ACVR2B: variants seen among roughly 807,000 people sequenced by gnomAD.
The protein encoded by ACVR2B is activin receptor type-2B.
A neutral mutation model predicts 65.1 loss-of-function variants in ACVR2B; 18 were observed. The observed-to-expected ratio is 0.28, with a 90% confidence interval of 0.19 to 0.41. The LOEUF is 0.41. Ranked by LOEUF, ACVR2B falls within the 10% of genes least tolerant of loss-of-function variation. ACVR2B has a pLI of 1.00. For missense variants in ACVR2B, 482 were observed against 682.7 expected (o/e 0.71, Z 3.28); for synonymous variants, 298 against 277.7 (o/e 1.07, Z -0.73).
chr3:38,478,118 A>G (rs1709944535), intron 3 of ACVR2B, 23 bp from the exon 4 acceptor site: 1 of 1,611,216 alleles, frequency 6.2e-7, no homozygotes, highest in African/African-American at 1.3e-5. Context: ...ACTGTTTGAC[A>G]CAGGGCTCTG....
In ACVR2B at chr3:38,477,948, G is replaced by T; in HGVS notation, c.348G>T (p.Leu116Phe). ...TCTGCAACGAACGCTTCACTCATTT[G>T]CCAGAGGCTGGGGGCCCGGAAGGTA... ...GNFCNERFTH[L>F]PEAGGPEVTY... Residue 116 changes from leucine to phenylalanine, a missense_variant, in exon 3 of 11, where the codon TTG (leucine) becomes TTT (phenylalanine). By Grantham distance (22) the Leu-to-Phe change is conservative. Around this residue, in one of 5 missense-constraint regions of ACVR2B, gnomAD observed 85 missense variants for 137.3 expected, o/e 0.62. Coordinates refer to ENST00000352511, the MANE Select transcript of ACVR2B (RefSeq NM_001106.4). This position sits in a 1 kb window ranked among gnomAD's most constrained non-coding sequence, Gnocchi z 6.7. The T allele has an allele frequency of 3.7e-6, 6 of 1,614,126 alleles. No homozygotes were observed. The highest frequency in any genetic ancestry group is 4.2e-6 in the Non-Finnish European group (5 of 1,180,028).
chr3:38,468,785 A>G (rs760276181), intron 1 of ACVR2B, among the ~76,000 whole-genome samples: 4 of 152,110 alleles, frequency 2.6e-5, no homozygotes, highest in Non-Finnish European at 5.9e-5. Context: ...TCATTTCTGT[A>G]GTTCTCTCCT....
In ACVR2B at chr3:38,490,758, A is replaced by C. The variant is rs1390088361; in HGVS notation, c.*7426A>C. The C allele has an allele frequency of 6.6e-6, 1 of 152,616 alleles. No homozygotes were observed. Among genetic ancestry groups the C allele is most frequent in the Non-Finnish European group, 1.5e-5 (1 of 68,058 alleles). 9.5% of individuals were successfully genotyped at this position (152,616 alleles called of 1,614,324 possible). On this transcript the variant is annotated 3_prime_UTR_variant, in exon 11 of 11. Transcript: ENST00000352511. ...GATACTGCAGACTTTTAACGTACAC[A>C]TGCAGGAACCCTGCTGAGCGTGGGC...
chr3:38,479,620 G>A lies in ACVR2B; in HGVS notation c.811-58G>A, dbSNP rs1046737593. On this transcript the variant is annotated intron_variant, in intron 6 of 10. Coordinates refer to ENST00000352511, the MANE Select transcript of ACVR2B (RefSeq NM_001106.4). ...ACTGAGACTTCTCTGCCAGGGCTGG[G>A]CTGGGTCCTGTCCTGTACCCAGAAT... The A allele has an allele frequency of 8.8e-6, 14 of 1,594,450 alleles. No individual in the cohort carries two copies. In the African/African-American group the frequency reaches 1.6e-4, roughly 18 times the overall value.
rs2059816260 is a variant in ACVR2B at position 38,492,351 on chromosome 3, T to G, written c.*9019T>G. 1 of 152,576 alleles carries G rather than the reference T, an allele frequency of 6.6e-6. No homozygotes were observed. Among genetic ancestry groups the G allele is most frequent in the Non-Finnish European group, 1.5e-5 (1 of 68,018 alleles). The allele number at this position is 152,576 out of a possible 1,614,324, so 9.5% of individuals were successfully genotyped here. ...CTAACTTGTATATAAAAATTGTAAT[T>G]AAAAGTTTGGGTTCACCTGTTTCTC... On this transcript the variant is annotated 3_prime_UTR_variant, in exon 11 of 11. Coordinates refer to ENST00000352511, the MANE Select transcript of ACVR2B (RefSeq NM_001106.4).
In ACVR2B at chr3:38,455,834, G is replaced by C. The variant is rs147601095; in HGVS notation, c.52+1460G>C. On this transcript the variant is annotated intron_variant, in intron 1 of 10. Coordinates refer to ENST00000352511, the MANE Select transcript of ACVR2B (RefSeq NM_001106.4). Reference sequence around the variant, plus strand: ...GGAGTGCTCGAAAGTGAAAGGGGAGGCATTGGTCTGCTAGAGGGAGGGCGG... The same window carrying C: ...GGAGTGCTCGAAAGTGAAAGGGGAGCCATTGGTCTGCTAGAGGGAGGGCGG... Among the ~76,000 whole-genome samples, 487 of 152,318 alleles carry C rather than the reference G, an allele frequency of 3.2e-3. 7 individuals are homozygous for C. Among genetic ancestry groups the C allele is most frequent in the Admixed American group, 0.026 (398 of 15,306 alleles).
Position 38,493,106 on chromosome 3 carries a change from T to C in ACVR2B, c.*9774T>C, listed in dbSNP as rs1209332711. The C allele has an allele frequency of 6.6e-6, 1 of 152,662 alleles. No individual in the cohort carries two copies. The highest frequency in any genetic ancestry group is 2.4e-5 in the African/African-American group (1 of 41,460). The allele number at this position is 152,662 out of a possible 1,614,324, so 9.5% of individuals were successfully genotyped here. ...AAATCTAGAACTATTTCAAGTTTTA[T>C]CTTTTTGTATATGAAAATAAAATAA... is the stretch of plus-strand genomic sequence containing the variant. On this transcript the variant is annotated 3_prime_UTR_variant, in exon 11 of 11. Coordinates refer to ENST00000352511, the MANE Select transcript of ACVR2B (RefSeq NM_001106.4).
intron 1 of ACVR2B, among the ~76,000 whole-genome samples, chr3:38,464,590 T>C (rs1709699977): frequency 6.6e-6 from 1 of 152,194 alleles, no homozygotes; most frequent in African/African-American, 2.4e-5. Context: ...AGTCTGTTTT[T>C]AGTCATAGGG....
chr3:38,478,353 T>C, intron 4 of ACVR2B, 22 bp from the exon 5 acceptor site: 1 of 1,613,996 alleles, frequency 6.2e-7, no homozygotes, highest in Non-Finnish European at 8.5e-7. Context: ...GCCAGACCTT[T>C]TTAAGCCTTG....
chr3:38,482,626 G>A, intron 10 of ACVR2B, 66 bp downstream of exon 10: 2 of 1,580,310 alleles, frequency 1.3e-6, no homozygotes, highest in Non-Finnish European at 1.7e-6. Context: ...ATGTGTAGCA[G>A]GTAAGCTGAA....
chr3:38,477,802 G>A lies in ACVR2B; in HGVS notation c.261-59G>A, dbSNP rs1709938243. On this transcript the variant is annotated intron_variant, in intron 2 of 10. Coordinates refer to ENST00000352511, the MANE Select transcript of ACVR2B (RefSeq NM_001106.4). This position sits in a 1 kb window ranked among gnomAD's most constrained non-coding sequence, Gnocchi z 6.7. ...CTGTGAGGAGGGGTTGGCAGGGCAG[G>A]CCTGGGGGAGTCTTGCATCCCCCAG... 16 of 1,553,578 alleles carry A rather than the reference G, an allele frequency of 1.0e-5. No individual in the cohort carries two copies. The South Asian group carries it at 1.8e-4, about 17-fold the overall frequency.
At position 38,481,362 on chromosome 3, in the gene ACVR2B, G is replaced by A; in HGVS notation, c.971G>A (p.Ser324Asn). The A allele has an allele frequency of 6.2e-7, 1 of 1,614,056 alleles. No homozygotes were observed. Among genetic ancestry groups the A allele is most frequent in the Non-Finnish European group, 8.5e-7 (1 of 1,179,898 alleles). Residue 324 changes from serine to asparagine, a missense_variant, in exon 8 of 11, where the codon AGT (serine) becomes AAT (asparagine). By Grantham distance (46) the Ser-to-Asn change is conservative. Around this residue, in one of 5 missense-constraint regions of ACVR2B, gnomAD observed 223 missense variants for 386.3 expected, o/e 0.58. Coordinates refer to ENST00000352511, the MANE Select transcript of ACVR2B (RefSeq NM_001106.4). The surrounding 1 kb of genome is among the most constrained non-coding windows in gnomAD (Gnocchi z 4.7). ...ACTTGTTTCCACAGGGACTTTAAAA[G>A]TAAGAATGTATTGCTGAAGAGCGAC... Reference protein sequence around the residue: ...KPSIAHRDFKSKNVLLKSDLT... With the variant: ...KPSIAHRDFKNKNVLLKSDLT...
At chr3:38,455,667 A>G (rs1709537611) in intron 1 of ACVR2B, among the ~76,000 whole-genome samples, 1 of 152,188 alleles carries the variant, frequency 6.6e-6, no homozygotes, top group African/African-American at 2.4e-5. Flanking sequence ...ACCGAAGGGC[A>G]AAGACCAGCT....
chr3:38,455,164 G>A (rs1709525406), intron 1 of ACVR2B, among the ~76,000 whole-genome samples: 1 of 152,148 alleles, frequency 6.6e-6, no homozygotes, highest in Admixed American at 6.6e-5. Context: ...GGGGTATGTG[G>A]GCGCGGGCGT....
intron 1 of ACVR2B, chr3:38,473,775 T>C (rs1483808750): frequency 6.6e-6 from 1 of 152,280 alleles, no homozygotes; most frequent in Non-Finnish European, 1.5e-5. Context: ...AATTAGTTCC[T>C]ACAACTACCC....
In ACVR2B at chr3:38,477,118, T is replaced by G. The variant is rs1709924905; in HGVS notation, c.53-169T>G. The G allele has an allele frequency of 1.5e-6, 1 of 674,296 alleles. No individual in the cohort carries two copies. Among genetic ancestry groups the G allele is most frequent in the African/African-American group, 1.8e-5 (1 of 55,812 alleles). The allele number at this position is 674,296 out of a possible 1,614,324, so 41.8% of individuals were successfully genotyped here. A position where few individuals can be genotyped will look rare whatever the true frequency, so the allele number is the denominator to read the frequency against. ...GCTGGCACACGTAAATTAAGAGGTG[T>G]GGGACGGATGGGTGGCCTACGTCCA... On this transcript the variant is annotated intron_variant, in intron 1 of 10. Transcript: ENST00000352511. The surrounding 1 kb of genome is among the most constrained non-coding windows in gnomAD (Gnocchi z 6.7).
chr3:38,473,655 C>T (rs541007002), intron 1 of ACVR2B: 1 of 152,468 alleles, frequency 6.6e-6, no homozygotes, highest in African/African-American at 2.4e-5. Flanking sequence ...GGGAGTCATA[C>T]AGGGGACTTG....
chr3:38,476,840 C>G, intron 1 of ACVR2B: 1 of 254,784 alleles, frequency 3.9e-6, no homozygotes, highest in Non-Finnish European at 7.7e-6. Flanking sequence ...TTTCCCACAC[C>G]TGCAACATAC....
chr3:38,454,639 A>T, intron 1 of ACVR2B: 1 of 315,766 alleles, frequency 3.2e-6, no homozygotes, highest in Non-Finnish European at 5.8e-6. Context: ...GCGGAGCCTC[A>T]GGGTCGGAGT....
Sources: allele counts gnomAD v4.1 joint callset (sites outside exome capture counted in the v4.1 genomes callset), GRCh38; gene constraint gnomAD v4.1.1; regional missense constraint gnomAD v4.1.1; non-coding constraint Gnocchi (gnomAD v3.1); transcripts MANE v1.5; gene names NCBI Gene and HGNC (gene_info 2026-07-23, HGNC 2026-07-21).